SUGCT: variants seen among roughly 807,000 people sequenced by gnomAD.
SUGCT encodes succinyl-CoA:glutarate CoA-transferase.
In SUGCT, 41 loss-of-function variants were observed where a neutral mutation model predicts 55.0. The ratio of observed to expected loss-of-function variants is 0.74; its 90% CI spans 0.58 to 0.97. The LOEUF (loss-of-function observed/expected upper bound fraction) is 0.97, where lower values mean the gene tolerates loss of function less well. Ranked by LOEUF, SUGCT falls within the 50% of genes least tolerant of loss-of-function variation. The pLI is 0.00. For missense variants in SUGCT, 568 were observed against 547.8 expected (o/e 1.04, Z -0.37); for synonymous variants, 187 against 200.4 (o/e 0.93, Z 0.56).
chr7:40,603,598 G>C (rs1372622558), intron 12 of SUGCT, among the ~76,000 whole-genome samples: 3 of 152,104 alleles, frequency 2.0e-5, no homozygotes, highest in Non-Finnish European at 4.4e-5. Context: ...GGATTTAGAT[G>C]GTTCTCAGCC....
Position 40,188,575 on chromosome 7 carries a change from A to G in SUGCT, c.307A>G (p.Lys103Glu). The change falls in exon 4 of 14, where the codon AAA becomes GAA. Residue 103 changes from lysine to glutamate, a missense_variant. Coordinates refer to ENST00000335693, the MANE Select transcript of SUGCT (RefSeq NM_001193313.2). ...STYYLSVNRN[K>E]KSIAVNIKDP... ...ATATTATCTCAGTGTTAACCGAAAT[A>G]AAAAAGTAAGAATATCATCCCTTTT... 6.3e-7 allele frequency: 1 copy of G among 1,597,900 alleles called. No individual in the cohort carries two copies. The highest frequency in any genetic ancestry group is 8.5e-7 in the Non-Finnish European group (1 of 1,174,540).
intron 12 of SUGCT, among the ~76,000 whole-genome samples, chr7:40,650,728 A>G (rs1201258139): frequency 2.0e-5 from 3 of 152,118 alleles, no homozygotes; most frequent in Admixed American, 6.5e-5. Context: ...TTTTTATTTT[A>G]AGTTCTAGGG....
At chr7:41,024,578 T>G in the SUGCT span, among the ~76,000 whole-genome samples, 1 of 146,080 alleles carries the variant, frequency 6.8e-6, no homozygotes, top group Non-Finnish European at 1.5e-5. Flanking sequence ...AATAAACATA[T>G]GAAAAGACAC....
chr7:40,863,297 G>A (rs1010557218), downstream of SUGCT, among the ~76,000 whole-genome samples: 6 of 152,128 alleles, frequency 3.9e-5, no homozygotes, highest in African/African-American at 1.4e-4. Context: ...AGCACCACAA[G>A]GCAGGGCTTT....
At chr7:40,601,467 T>A (rs1798283033) in intron 12 of SUGCT, among the ~76,000 whole-genome samples, 2 of 152,230 alleles carry the variant, frequency 1.3e-5, no homozygotes, top group Non-Finnish European at 2.9e-5. Flanking sequence ...AAACATTTTC[T>A]GAAGGTTTTG....
chr7:40,907,134 TGTGTGTGAGAG>T, the SUGCT span, among the ~76,000 whole-genome samples: 1 of 44,898 alleles, frequency 2.2e-5, no homozygotes. Flanking sequence ...TGTGTGTGTG[TGTGTGTGAGAG>T]AGAGAGAGAG....
chr7:40,321,573 G>A (rs529029286), intron 9 of SUGCT, among the ~76,000 whole-genome samples: 7 of 151,174 alleles, frequency 4.6e-5, no homozygotes, highest in Non-Finnish European at 8.8e-5. Flanking sequence ...AGTAGAGACG[G>A]GGTTTCACCA....
intron 6 of SUGCT, among the ~76,000 whole-genome samples, chr7:40,229,390 G>A (rs759056645): frequency 2.6e-5 from 4 of 151,790 alleles, no homozygotes; most frequent in African/African-American, 9.7e-5. Flanking sequence ...ATGGTGGCAT[G>A]CGCCTATAGT....
At chr7:40,581,156 A>G (rs2151711056) in intron 12 of SUGCT, among the ~76,000 whole-genome samples, 1 of 152,326 alleles carries the variant, frequency 6.6e-6, no homozygotes, top group Admixed American at 6.5e-5. Context: ...ATTATGTACC[A>G]GGTACTGTGA....
intron 13 of SUGCT, among the ~76,000 whole-genome samples, chr7:40,759,222 T>G (rs1788415394): frequency 1.3e-5 from 2 of 152,192 alleles, no homozygotes; most frequent in Admixed American, 6.5e-5. Context: ...CCTTGTTTTC[T>G]TGTTCTAATG....
chr7:40,286,424 G>A (rs57084767), intron 8 of SUGCT, among the ~76,000 whole-genome samples: 6,484 of 152,152 alleles, frequency 0.043, 463 homozygotes, highest in African/African-American at 0.14. Context: ...GATAATCCAG[G>A]ATAATCTCCC....
chr7:40,650,624 G>T (rs1191580736), intron 12 of SUGCT, among the ~76,000 whole-genome samples: 1 of 152,004 alleles, frequency 6.6e-6, no homozygotes, highest in Non-Finnish European at 1.5e-5. Context: ...ATTTTCATTT[G>T]GTATTTAGTG....
At chr7:40,965,056 T>G in the SUGCT span, 1 of 152,278 alleles carries the variant, frequency 6.6e-6, no homozygotes, top group Non-Finnish European at 1.5e-5. Flanking sequence ...GATTGCATTT[T>G]AAGGTTGTGC....
intron 9 of SUGCT, among the ~76,000 whole-genome samples, chr7:40,326,223 A>T (rs1351013674): frequency 1.3e-5 from 2 of 152,164 alleles, no homozygotes; most frequent in African/African-American, 4.8e-5. Context: ...ACTCAAAGGC[A>T]ATATAGCAGG....
intron 12 of SUGCT, among the ~76,000 whole-genome samples, chr7:40,611,479 T>C (rs1488844457): frequency 3.3e-5 from 5 of 152,130 alleles, no homozygotes; most frequent in African/African-American, 1.2e-4. Context: ...CTTCAGGAAA[T>C]AGGGTTACTG....
intron 12 of SUGCT, among the ~76,000 whole-genome samples, chr7:40,747,039 C>T (rs1787765688): frequency 6.6e-6 from 1 of 152,090 alleles, no homozygotes; most frequent in Admixed American, 6.5e-5. Context: ...TAGCCCCCAC[C>T]CCCACATAGG....
At chr7:40,616,774 T>A (rs934699329) in intron 12 of SUGCT, among the ~76,000 whole-genome samples, 6 of 152,330 alleles carry the variant, frequency 3.9e-5, no homozygotes, top group East Asian at 1.9e-4. Flanking sequence ...TTCAGTCCCC[T>A]TCCCACCTTG....
chr7:41,031,638 AT>A, the SUGCT span, among the ~76,000 whole-genome samples: 1 of 152,114 alleles, frequency 6.6e-6, no homozygotes, highest in Non-Finnish European at 1.5e-5. Flanking sequence ...CAAAGGCTAT[AT>A]TTCAGATATT....
At chr7:40,743,699 A>G (rs572967046) in intron 12 of SUGCT, among the ~76,000 whole-genome samples, 1 of 152,250 alleles carries the variant, frequency 6.6e-6, no homozygotes, top group African/African-American at 2.4e-5. Context: ...TGTTCAATGA[A>G]TGTACCCCAA....
Sources: gnomAD v4.1 joint callset for allele counts (sites outside exome capture counted in the v4.1 genomes callset) on GRCh38, gnomAD v4.1.1 for gene constraint, MANE v1.5 for transcripts, NCBI Gene and HGNC (gene_info 2026-07-23, HGNC 2026-07-21) for gene names.